The following CDH20 variants were observed in gnomAD, a reference collection of about 807,000 sequenced individuals.
CDH20 encodes cadherin 20, also known as cadherin-20.
CDH20 carries 29 observed loss-of-function variants against 74.2 expected under a neutral mutation model. That is an observed-to-expected ratio of 0.39 (90% CI 0.29 to 0.53). CDH20 has a LOEUF of 0.53. Among genes scored for constraint, CDH20 ranks in the 20% least tolerant of loss-of-function variants. CDH20 has a pLI of 0.69. For missense variants in CDH20, 988 were observed against 1,048.3 expected (o/e 0.94, Z 0.79); for synonymous variants, 469 against 405.4 (o/e 1.16, Z -1.88).
chr18:61,499,371 A>G lies in CDH20; in HGVS notation c.432A>G (p.Pro144=), dbSNP rs1911280770. The G allele has an allele frequency of 3.1e-6, 5 of 1,614,182 alleles. No homozygotes were observed. The East Asian group carries it at 8.9e-5, about 29-fold the overall frequency. ...AQALDRRTGR[P]MEPESEFIIK... is the part of the protein sequence containing the mutation. ...CCCTAGACAGGCGGACGGGCAGGCCAATGGAGCCCGAGTCAGAGTTCATCA... is the reference window on the plus strand; with the variant it reads ...CCCTAGACAGGCGGACGGGCAGGCCGATGGAGCCCGAGTCAGAGTTCATCA... Residue 144 remains proline, a synonymous_variant, in exon 3 of 12, where the codon CCA becomes CCG. Coordinates refer to ENST00000262717, the MANE Select transcript of CDH20 (RefSeq NM_031891.4).
intron 1 of CDH20, among the ~76,000 whole-genome samples, chr18:61,464,322 A>AC (rs1256276963): frequency 6.6e-6 from 1 of 152,076 alleles, no homozygotes; most frequent in Non-Finnish European, 1.5e-5. Flanking sequence ...TGTTAAAAAA[A>AC]AAAAAGTTAA....
chr18:61,426,066 T>C (rs1489144796), intron 1 of CDH20, among the ~76,000 whole-genome samples: 1 of 152,152 alleles, frequency 6.6e-6, no homozygotes, highest in African/African-American at 2.4e-5. Flanking sequence ...TCCTGCAACT[T>C]TGTTGAACTC....
At chr18:61,474,579 G>A (rs527242771) in intron 1 of CDH20, among the ~76,000 whole-genome samples, 1 of 152,282 alleles carries the variant, frequency 6.6e-6, no homozygotes, top group African/African-American at 2.4e-5. Flanking sequence ...TGCGGTACAA[G>A]TGCCAAGATT....
intron 6 of CDH20, among the ~76,000 whole-genome samples, chr18:61,509,053 G>A (rs560102368): frequency 1.2e-4 from 18 of 152,328 alleles, no homozygotes; most frequent in Middle Eastern, 3.4e-3. Context: ...GAATGATACA[G>A]TGGACTTTGG....
chr18:61,528,898 A>G (rs1912543699), intron 7 of CDH20, among the ~76,000 whole-genome samples: 1 of 152,218 alleles, frequency 6.6e-6, no homozygotes, highest in Admixed American at 6.5e-5. Context: ...AGACATAGAA[A>G]CTACTTCTGT....
intron 1 of CDH20, among the ~76,000 whole-genome samples, chr18:61,412,714 G>A (rs998148093): frequency 1.3e-5 from 2 of 152,008 alleles, no homozygotes; most frequent in South Asian, 4.2e-4. Flanking sequence ...GCTTTAAATA[G>A]TTCATCTATA....
chr18:61,544,603 G>A (rs1913164213), intron 9 of CDH20, among the ~76,000 whole-genome samples: 1 of 152,152 alleles, frequency 6.6e-6, no homozygotes, highest in South Asian at 2.1e-4. Context: ...ACTGTCCCGG[G>A]CTGAACTTCC....
intron 1 of CDH20, among the ~76,000 whole-genome samples, chr18:61,354,050 AAAAAG>A (rs1388178850): frequency 1.4e-5 from 2 of 147,132 alleles, no homozygotes; most frequent in Non-Finnish European, 3.1e-5. Context: ...TCAAAAAAAA[AAAAAG>A]AAAAAGAAAA....
rs143970380 is a variant in CDH20, at chr18:61,454,469, G to A, written c.-152-35933G>A. ...AAACTTATTTTCGTTTATTTGACAT[G>A]TAAGGAAAAGAATGATTATTGCAAA... is the stretch of plus-strand genomic sequence containing the variant. On this transcript the variant is annotated intron_variant, in intron 1 of 11. Transcript: ENST00000262717. Among the ~76,000 whole-genome samples, 410 of 152,306 alleles carry A rather than the reference G, an allele frequency of 2.7e-3. 2 individuals are homozygous for A. Among genetic ancestry groups the A allele is most frequent in the African/African-American group, 9.3e-3 (388 of 41,578 alleles).
chr18:61,366,716 T>G (rs568539693), intron 1 of CDH20, among the ~76,000 whole-genome samples: 29 of 152,260 alleles, frequency 1.9e-4, no homozygotes, highest in African/African-American at 6.3e-4. Flanking sequence ...ATTTATAATG[T>G]TGCCCCTTCC....
chr18:61,429,893 G>C (rs79370344), intron 1 of CDH20, among the ~76,000 whole-genome samples: 1 of 152,088 alleles, frequency 6.6e-6, no homozygotes, highest in East Asian at 1.9e-4. Context: ...TTCCTTTGTA[G>C]TGGGTACTCT....
intron 1 of CDH20, among the ~76,000 whole-genome samples, chr18:61,476,684 A>C (rs2144394449): frequency 6.6e-6 from 1 of 152,276 alleles, no homozygotes; most frequent in South Asian, 2.1e-4. Context: ...TGATACCAAA[A>C]CTAGGCTGGT....
chr18:61,496,783 C>CA (rs750638709), intron 2 of CDH20, among the ~76,000 whole-genome samples: 3 of 152,186 alleles, frequency 2.0e-5, no homozygotes, highest in Non-Finnish European at 4.4e-5. Flanking sequence ...CCTACATCAT[C>CA]AGCAGTGCCC....
chr18:61,497,005 G>C (rs1039153530), intron 2 of CDH20, among the ~76,000 whole-genome samples: 20 of 150,688 alleles, frequency 1.3e-4, no homozygotes, highest in African/African-American at 4.6e-4. Context: ...TTGTGCCCAG[G>C]TCCAAATGAA....
rs1911613808 is a variant in CDH20, at chr18:61,507,495, G to T, written c.952G>T (p.Gly318Cys). Reference sequence around the variant, plus strand: ...GAAATATACTATTGTGGATGGAGATGGTGCAGATGCCTTTGACATTAGCAC... The same window carrying T: ...GAAATATACTATTGTGGATGGAGATTGTGCAGATGCCTTTGACATTAGCAC... The part of the protein sequence containing the change: ...EMKYTIVDGD[G>C]ADAFDISTDP... Residue 318 changes from glycine (G) to cysteine (C), a missense_variant, in exon 6 of 12, where the codon GGT becomes TGT. Coordinates refer to ENST00000262717, the MANE Select transcript of CDH20 (RefSeq NM_031891.4). 1.2e-6 allele frequency: 2 copies of T among 1,613,758 alleles called. No individual in the cohort carries two copies. The highest frequency in any genetic ancestry group is 1.7e-6 in the Non-Finnish European group (2 of 1,179,902).
At chr18:61,455,238 G>A (rs1909532903) in intron 1 of CDH20, among the ~76,000 whole-genome samples, 2 of 152,130 alleles carry the variant, frequency 1.3e-5, no homozygotes, top group South Asian at 4.1e-4. Context: ...AAAGAGCTGG[G>A]ACAACTAAAT....
intron 1 of CDH20, among the ~76,000 whole-genome samples, chr18:61,418,012 G>A (rs1189092112): frequency 1.3e-5 from 2 of 151,990 alleles, no homozygotes; most frequent in Non-Finnish European, 1.5e-5. Context: ...ATGTCAAATT[G>A]ACTTGAAATA....
intron 1 of CDH20, among the ~76,000 whole-genome samples, chr18:61,429,202 A>G (rs1374273898): frequency 6.6e-6 from 1 of 152,176 alleles, no homozygotes; most frequent in African/African-American, 2.4e-5. Flanking sequence ...AATTTTAGGA[A>G]AATCATAATG....
At chr18:61,403,936 A>T (rs1044030801) in intron 1 of CDH20, among the ~76,000 whole-genome samples, 4 of 152,214 alleles carry the variant, frequency 2.6e-5, no homozygotes, top group Non-Finnish European at 5.9e-5. Flanking sequence ...TTGCAGGGAC[A>T]TGGATGGAGG....
Sources: allele counts gnomAD v4.1 joint callset (sites outside exome capture counted in the v4.1 genomes callset), GRCh38; gene constraint gnomAD v4.1.1; transcripts MANE v1.5; gene names NCBI Gene and HGNC (gene_info 2026-07-23, HGNC 2026-07-21).